Variants in SH3BGRL observed in about 807,000 individuals in gnomAD.
SH3BGRL encodes the protein adapter SH3BGRL.
Under a neutral mutation model 9.8 loss-of-function variants are expected in SH3BGRL, and 7 were observed. The ratio of observed to expected loss-of-function variants is 0.72; its 90% CI spans 0.41 to 1.35. SH3BGRL has a LOEUF of 1.35. SH3BGRL is among the 40% of genes most tolerant of loss of function. The pLI is 0.01. For missense variants in SH3BGRL, 73 were observed against 84.4 expected (o/e 0.86, Z 0.53); for synonymous variants, 36 against 29.1 (o/e 1.24, Z -0.76).
chrX:81,255,686 A>T (rs1161363608), intron 1 of SH3BGRL: 1 of 112,046 alleles, frequency 8.9e-6, no homozygotes, highest in Non-Finnish European at 1.9e-5. Context: ...TGCCATTAGC[A>T]ATAGGTCAGA....
chrX:81,223,200 T>C (rs1384315155), intron 1 of SH3BGRL, among the ~76,000 whole-genome samples: 3 of 112,103 alleles, frequency 2.7e-5, no homozygotes, highest in Non-Finnish European at 5.6e-5. Context: ...TTGTCAATTT[T>C]GGCTTTTGTT....
chrX:81,278,826 A>G (rs983722312), intron 3 of SH3BGRL, among the ~76,000 whole-genome samples: 3 of 112,137 alleles, frequency 2.7e-5, no homozygotes, highest in African/African-American at 9.7e-5. Flanking sequence ...CATCCATTCA[A>G]GTTAATTAAG....
chrX:81,253,204 G>A (rs985726593), intron 1 of SH3BGRL, among the ~76,000 whole-genome samples: 1 of 111,845 alleles, frequency 8.9e-6, no homozygotes, highest in Non-Finnish European at 1.9e-5. Context: ...AGTGAAAATA[G>A]GTAAAGATGT....
chrX:81,277,028 C>G lies in SH3BGRL; in HGVS notation c.90C>G (p.Asn30Lys). The G allele has an allele frequency of 8.3e-7, 1 of 1,208,061 alleles. No individual in the cohort carries two copies. Among genetic ancestry groups the G allele is most frequent in the Non-Finnish European group, 1.1e-6 (1 of 893,528 alleles). Residue 30 changes from asparagine (N) to lysine (K), a missense_variant, in exon 2 of 4, where the codon AAC (asparagine) becomes AAG (lysine). By Grantham distance (94) the Asn-to-Lys change is moderately conservative. Transcript: ENST00000373212. Reference protein sequence around the residue: ...QQDVLGFLEANKIGFEEKDIA... With the variant: ...QQDVLGFLEAKKIGFEEKDIA... ...ATGTGCTTGGTTTCCTAGAAGCCAA[C>G]AAAATAGGATTTGAAGAAAAAGATA...
At chrX:81,279,622 A>G (rs1469823908) in intron 3 of SH3BGRL, among the ~76,000 whole-genome samples, 1 of 111,207 alleles carries the variant, frequency 9.0e-6, no homozygotes, top group Non-Finnish European at 1.9e-5. Context: ...CCTGGAGCTG[A>G]GTCAAGTTAG....
At chrX:81,231,712 TC>T (rs1230753085) in intron 1 of SH3BGRL, among the ~76,000 whole-genome samples, 3 of 112,116 alleles carry the variant, frequency 2.7e-5, no homozygotes, top group African/African-American at 9.7e-5. Flanking sequence ...TGGCAATAAT[TC>T]TAAGGAGAAC....
intron 1 of SH3BGRL, among the ~76,000 whole-genome samples, chrX:81,270,360 T>C (rs1321507191): frequency 2.7e-5 from 3 of 112,186 alleles, no homozygotes; most frequent in African/African-American, 3.2e-5. Context: ...TGGATTTATC[T>C]ACCTTTGGTC....
At chrX:81,204,479 G>A (rs956909883) in intron 1 of SH3BGRL, among the ~76,000 whole-genome samples, 1 of 111,504 alleles carries the variant, frequency 9.0e-6, no homozygotes, top group African/African-American at 3.3e-5. Context: ...ATTGCACATA[G>A]TGAGATACTT....
chrX:81,217,495 T>A (rs1386625459), intron 1 of SH3BGRL, among the ~76,000 whole-genome samples: 1 of 111,624 alleles, frequency 9.0e-6, no homozygotes. Flanking sequence ...TCCATCTTGA[T>A]TTTCACTGTT....
intron 3 of SH3BGRL, among the ~76,000 whole-genome samples, chrX:81,293,678 A>G (rs1029448502): frequency 1.2e-4 from 14 of 112,064 alleles, no homozygotes; most frequent in African/African-American, 3.9e-4. Context: ...GTGAGATTCC[A>G]TCTCAAAAAA....
intron 1 of SH3BGRL, among the ~76,000 whole-genome samples, chrX:81,211,352 G>A (rs1196923729): frequency 2.7e-5 from 3 of 111,576 alleles, no homozygotes; most frequent in African/African-American, 9.8e-5. Context: ...TGTGGGGGCC[G>A]AGGCGGGCGG....
intron 3 of SH3BGRL, among the ~76,000 whole-genome samples, chrX:81,285,081 G>A (rs1186327858): frequency 2.7e-5 from 3 of 110,835 alleles, no homozygotes; most frequent in Non-Finnish European, 5.7e-5. Flanking sequence ...TATTTAATAG[G>A]TTTTTCCAAG....
At chrX:81,236,066 A>G (rs2075646990) in intron 1 of SH3BGRL, among the ~76,000 whole-genome samples, 1 of 111,426 alleles carries the variant, frequency 9.0e-6, no homozygotes, top group African/African-American at 3.3e-5. Flanking sequence ...AGTTTACCCA[A>G]TTTAGAGCCT....
chrX:81,292,138 C>G (rs1211602609), intron 3 of SH3BGRL, among the ~76,000 whole-genome samples: 2 of 111,960 alleles, frequency 1.8e-5, no homozygotes, highest in African/African-American at 6.5e-5. Context: ...GCTCCAACCC[C>G]ACATTTTCTC....
At chrX:81,227,519 C>T (rs1480718676) in intron 1 of SH3BGRL, among the ~76,000 whole-genome samples, 1 of 111,387 alleles carries the variant, frequency 9.0e-6, no homozygotes, top group African/African-American at 3.3e-5. Flanking sequence ...AATTCTTGTA[C>T]TGTTGGGACT....
intron 3 of SH3BGRL, among the ~76,000 whole-genome samples, chrX:81,290,108 T>C (rs779680200): frequency 1.8e-5 from 2 of 111,798 alleles, no homozygotes; most frequent in South Asian, 7.4e-4. Context: ...AGAAAAGGGA[T>C]CATTCATACA....
At chrX:81,227,502 G>T (rs2075620883) in intron 1 of SH3BGRL, among the ~76,000 whole-genome samples, 1 of 111,644 alleles carries the variant, frequency 9.0e-6, no homozygotes, top group Non-Finnish European at 1.9e-5. Context: ...TGCGAAGAAT[G>T]TGCAAAAATT....
chrX:81,283,715 C>A (rs1360606971), intron 3 of SH3BGRL, among the ~76,000 whole-genome samples: 2 of 111,141 alleles, frequency 1.8e-5, no homozygotes, highest in Non-Finnish European at 3.8e-5. Flanking sequence ...CAACATAATA[C>A]AGAATGGGGA....
chrX:81,222,161 TC>T (rs2075601794), intron 1 of SH3BGRL, among the ~76,000 whole-genome samples: 1 of 112,391 alleles, frequency 8.9e-6, no homozygotes, highest in Non-Finnish European at 1.9e-5. Flanking sequence ...AGGATTTCTT[TC>T]TTTTTTATTT....
Sources: gnomAD v4.1 joint callset for allele counts (sites outside exome capture counted in the v4.1 genomes callset) on GRCh38, gnomAD v4.1.1 for gene constraint, MANE v1.5 for transcripts, NCBI Gene and HGNC (gene_info 2026-07-23, HGNC 2026-07-21) for gene names.